Variants in TSG101 observed in about 807,000 individuals in gnomAD.
TSG101 encodes tumor susceptibility 101.
In TSG101, 19 loss-of-function variants were observed where a neutral mutation model predicts 48.5. That is an observed-to-expected ratio of 0.39 (90% CI 0.27 to 0.58). The LOEUF (loss-of-function observed/expected upper bound fraction) is 0.58. TSG101 is among the 20% of genes least tolerant of loss of function. The pLI is 0.55. For missense variants in TSG101, 365 were observed against 484.4 expected, an observed-to-expected ratio of 0.75 and a Z score of 2.31; for synonymous variants, 174 against 169.4, an observed-to-expected ratio of 1.03 and a Z score of -0.21.
chr11:18,481,235 G>C, intron 9 of TSG101: 1 of 962,556 alleles, frequency 1.0e-6, no homozygotes, highest in Non-Finnish European at 1.2e-6. Context: ...GGGAAAACTG[G>C]TCTAAAGTTA....
chr11:18,514,913 GA>G, intron 3 of TSG101, 72 bp from the exon 4 acceptor site: 1 of 1,376,104 alleles, frequency 7.3e-7, no homozygotes, highest in African/African-American at 1.5e-5. Flanking sequence ...TAAAGGAACA[GA>G]GGTTTAGTCT....
chr11:18,506,044 TGACCTCAG>T (rs995189951), intron 6 of TSG101, among the ~76,000 whole-genome samples: 1 of 152,148 alleles, frequency 6.6e-6, no homozygotes, highest in South Asian at 2.1e-4. Flanking sequence ...CTCGAACTCC[TGACCTCAG>T]GACCTCAGGT....
Position 18,483,876 on chromosome 11 carries a change from T to C in TSG101, c.837A>G (p.Gln279=). The change falls in exon 8 of 10, where the codon CAA becomes CAG. Residue 279 remains glutamine (Q), a synonymous_variant. Transcript: ENST00000251968. ...TCTTTAATGAGTCACTTACTACTTC[T>C]TGATCTAAACGGGTAACCATCTCTT... is the stretch of plus-strand genomic sequence containing the variant. The part of the protein sequence containing the change: ...KLEEMVTRLD[Q]EVAEVDKNIE... 1 of 1,614,126 alleles carries C rather than the reference T, an allele frequency of 6.2e-7. No individual in the cohort carries two copies. Among genetic ancestry groups the C allele is most frequent in the African/African-American group, 1.3e-5 (1 of 75,068 alleles).
intron 7 of TSG101, among the ~76,000 whole-genome samples, chr11:18,487,550 A>G (rs770113786): frequency 6.6e-6 from 1 of 152,216 alleles, no homozygotes; most frequent in East Asian, 1.9e-4. Flanking sequence ...TTTTTCTAGT[A>G]GAGAGGTAGT....
At chr11:18,497,775 T>C (rs977031228) in intron 7 of TSG101, among the ~76,000 whole-genome samples, 1 of 152,176 alleles carries the variant, frequency 6.6e-6, no homozygotes, top group Non-Finnish European at 1.5e-5. Context: ...ATCATTTAGG[T>C]TTCTAACTCC....
At chr11:18,515,673 T>A (rs1850158407) in intron 3 of TSG101, among the ~76,000 whole-genome samples, 1 of 152,242 alleles carries the variant, frequency 6.6e-6, no homozygotes. Context: ...ATGTCAAAGA[T>A]ATCCATATAT....
At chr11:18,510,069 T>C (rs1850053178) in intron 4 of TSG101, among the ~76,000 whole-genome samples, 8 of 152,212 alleles carry the variant, frequency 5.3e-5, no homozygotes, top group Admixed American at 5.2e-4. Context: ...AATGATATCT[T>C]GGAAATACGT....
At chr11:18,485,563 C>G (rs1010505005) in intron 7 of TSG101, among the ~76,000 whole-genome samples, 2 of 152,134 alleles carry the variant, frequency 1.3e-5, no homozygotes, top group Non-Finnish European at 2.9e-5. Flanking sequence ...AACTTCCCTT[C>G]TCTTGTCTTC....
chr11:18,512,549 T>G (rs919706400), intron 4 of TSG101, among the ~76,000 whole-genome samples: 1 of 152,094 alleles, frequency 6.6e-6, no homozygotes, highest in Admixed American at 6.6e-5. Context: ...TTCTATTGTC[T>G]TTTTTTCCTC....
intron 7 of TSG101, among the ~76,000 whole-genome samples, chr11:18,494,329 G>A (rs542467694): frequency 1.8e-4 from 28 of 152,060 alleles, no homozygotes; most frequent in Non-Finnish European, 3.8e-4. Context: ...CAGAATCAAA[G>A]TAATTCCATT....
At chr11:18,489,036 A>G (rs1426741009) in intron 7 of TSG101, among the ~76,000 whole-genome samples, 3 of 151,394 alleles carry the variant, frequency 2.0e-5, no homozygotes, top group African/African-American at 7.3e-5. Flanking sequence ...AATCGCTGGA[A>G]CCCGGGAGGC....
chr11:18,496,438 T>C (rs1849778320), intron 7 of TSG101, among the ~76,000 whole-genome samples: 1 of 109,804 alleles, frequency 9.1e-6, no homozygotes, highest in African/African-American at 3.0e-5. Flanking sequence ...CGAAACTCTG[T>C]CTCAAAAATA....
chr11:18,514,509 C>A (rs1850137440), intron 4 of TSG101, among the ~76,000 whole-genome samples, 169 bp downstream of exon 4: 1 of 152,076 alleles, frequency 6.6e-6, no homozygotes, highest in South Asian at 2.1e-4. Context: ...CTACAGAAAC[C>A]CATTTCTTTT....
intron 1 of TSG101, among the ~76,000 whole-genome samples, chr11:18,520,979 C>T (rs1484147152): frequency 1.3e-5 from 2 of 151,464 alleles, no homozygotes; most frequent in African/African-American, 2.4e-5. Flanking sequence ...TGCAGTGAGC[C>T]GAGATCGTGC....
chr11:18,485,702 A>T (rs900348909), intron 7 of TSG101, among the ~76,000 whole-genome samples: 1 of 152,252 alleles, frequency 6.6e-6, no homozygotes, highest in Non-Finnish European at 1.5e-5. Context: ...AAAATCAGAA[A>T]AATGAACTGC....
chr11:18,498,830 T>C (rs1849825031), intron 7 of TSG101, among the ~76,000 whole-genome samples: 1 of 151,938 alleles, frequency 6.6e-6, no homozygotes, highest in Non-Finnish European at 1.5e-5. Flanking sequence ...ATGGAAGAAC[T>C]TGCAGAGGAG....
intron 6 of TSG101, among the ~76,000 whole-genome samples, chr11:18,503,891 T>C (rs1849927544): frequency 6.6e-6 from 1 of 152,124 alleles, no homozygotes; most frequent in Non-Finnish European, 1.5e-5. Context: ...TACAAGCGCA[T>C]TAAAATTACT....
chr11:18,515,669 A>G (rs935292373), intron 3 of TSG101, among the ~76,000 whole-genome samples: 1 of 152,358 alleles, frequency 6.6e-6, no homozygotes, highest in Non-Finnish European at 1.5e-5. Flanking sequence ...CCAAATGTCA[A>G]AGATATCCAT....
intron 7 of TSG101, among the ~76,000 whole-genome samples, chr11:18,487,352 C>G (rs1849634549): frequency 6.6e-6 from 1 of 151,950 alleles, no homozygotes; most frequent in Non-Finnish European, 1.5e-5. Flanking sequence ...ATAATTCAAT[C>G]TCCTGGACTT....
Sources: gnomAD v4.1 joint callset for allele counts (sites outside exome capture counted in the v4.1 genomes callset) on GRCh38, gnomAD v4.1.1 for gene constraint, MANE v1.5 for transcripts, NCBI Gene and HGNC (gene_info 2026-07-23, HGNC 2026-07-21) for gene names.